The following NCKAP1 variants were observed in gnomAD, a reference collection of about 807,000 sequenced individuals.
NCKAP1 encodes NCK associated protein 1, also known as nck-associated protein 1.
Under a neutral mutation model 151.2 loss-of-function variants are expected in NCKAP1, and 21 were observed. The observed-to-expected ratio is 0.14, with a 90% CI of 0.10 to 0.20. The LOEUF is 0.20. Among genes scored for constraint, NCKAP1 ranks in the 10% least tolerant of loss-of-function variants. The pLI is 1.00. For missense variants in NCKAP1, 933 were observed against 1,352.1 expected (o/e 0.69, Z 4.86); for synonymous variants, 484 against 451.8 (o/e 1.07, Z -0.90).
At chr2:183,037,179 T>C (rs1195236145) in intron 1 of NCKAP1, among the ~76,000 whole-genome samples, 1 of 152,246 alleles carries the variant, frequency 6.6e-6, no homozygotes, top group Non-Finnish European at 1.5e-5. Context: ...CTATTAGCTA[T>C]AGTTGCTCAA....
chr2:183,026,843 T>C (rs1470427388), intron 1 of NCKAP1, among the ~76,000 whole-genome samples: 1 of 152,184 alleles, frequency 6.6e-6, no homozygotes, highest in African/African-American at 2.4e-5. Context: ...ATAAGTGCTC[T>C]AAAAATGCTA....
rs746569346 is a variant in NCKAP1 at position 182,991,107 on chromosome 2, C to G, written c.791-1921G>C. 3.9e-5 allele frequency among the ~76,000 whole-genome samples: 6 copies of G among 152,136 alleles called. No homozygotes were observed. The South Asian group carries it at 6.2e-4, about 16-fold the overall frequency. On this transcript the variant is annotated intron_variant, in intron 8 of 30. Transcript: ENST00000361354. The stretch of plus-strand genomic sequence containing the variant: ...TCACTTAGTGTCTTACACCTTTGTA[C>G]GTTAACACTTACAAAATACTTGCTA...
chr2:183,021,269 G>C (rs1259757900), intron 2 of NCKAP1, among the ~76,000 whole-genome samples: 1 of 152,122 alleles, frequency 6.6e-6, no homozygotes, highest in Non-Finnish European at 1.5e-5. Flanking sequence ...TGAATAAAAT[G>C]TGGTATATCC....
intron 2 of NCKAP1, among the ~76,000 whole-genome samples, chr2:183,015,246 TG>T (rs985459169): frequency 1.3e-5 from 2 of 152,200 alleles, no homozygotes; most frequent in African/African-American, 4.8e-5. Context: ...AGATGTGTTT[TG>T]GGATCATAAG....
chr2:182,970,203 T>C (rs1351815078), intron 15 of NCKAP1, among the ~76,000 whole-genome samples: 1 of 152,212 alleles, frequency 6.6e-6, no homozygotes, highest in Non-Finnish European at 1.5e-5. Flanking sequence ...ATACCAATTC[T>C]ACTCAAACTG....
At chr2:182,981,596 A>T (rs960500724) in intron 12 of NCKAP1, among the ~76,000 whole-genome samples, 1 of 152,096 alleles carries the variant, frequency 6.6e-6, no homozygotes, top group Non-Finnish European at 1.5e-5. Context: ...CTAAAAATCG[A>T]CAGCAGAAAA....
intron 2 of NCKAP1, among the ~76,000 whole-genome samples, chr2:183,015,802 CA>C (rs956776233): frequency 3.8e-4 from 45 of 117,208 alleles, no homozygotes; most frequent in Admixed American, 3.4e-4. Context: ...ATTACAGAAC[CA>C]AAAAAAAAAG....
At chr2:182,998,264 A>G (rs1698309476) in intron 6 of NCKAP1, among the ~76,000 whole-genome samples, 1 of 152,148 alleles carries the variant, frequency 6.6e-6, no homozygotes, top group Non-Finnish European at 1.5e-5. Context: ...AACTGGAACA[A>G]GACAAGGGTG....
chr2:183,009,674 G>T (rs77857597), intron 2 of NCKAP1, among the ~76,000 whole-genome samples: 7,513 of 152,116 alleles, frequency 0.049, 249 homozygotes, highest in African/African-American at 0.095. Flanking sequence ...AAAGTGTGCC[G>T]TTCAGTGACT....
At chr2:182,942,643 A>G (rs1486195286) in intron 23 of NCKAP1, among the ~76,000 whole-genome samples, 1 of 152,096 alleles carries the variant, frequency 6.6e-6, no homozygotes, top group Non-Finnish European at 1.5e-5. Flanking sequence ...TGGGGATTAT[A>G]TAATAGTAAT....
intron 8 of NCKAP1, among the ~76,000 whole-genome samples, chr2:182,993,382 G>C (rs1698205862): frequency 6.6e-6 from 1 of 152,100 alleles, no homozygotes; most frequent in Non-Finnish European, 1.5e-5. Context: ...TTCTCTAAAG[G>C]TTAATAAATC....
chr2:182,970,535 C>A (rs1265319980), intron 15 of NCKAP1, among the ~76,000 whole-genome samples: 2 of 152,000 alleles, frequency 1.3e-5, no homozygotes, highest in African/African-American at 4.8e-5. Flanking sequence ...AAACTCTTAA[C>A]AAACTAGGTA....
At chr2:182,929,361 GA>G (rs1359859682) in intron 27 of NCKAP1, among the ~76,000 whole-genome samples, 3 of 151,838 alleles carry the variant, frequency 2.0e-5, no homozygotes, top group African/African-American at 7.2e-5. Flanking sequence ...AATATAATTT[GA>G]AATTTACTAT....
intron 2 of NCKAP1, among the ~76,000 whole-genome samples, chr2:183,006,168 G>C (rs1559103402): frequency 6.6e-6 from 1 of 152,192 alleles, no homozygotes; most frequent in Admixed American, 6.5e-5. Flanking sequence ...AGTGTCAGAT[G>C]ATATGTTTTG....
At chr2:183,008,355 C>G (rs2368350) in intron 2 of NCKAP1, among the ~76,000 whole-genome samples, 150,353 of 152,354 alleles carry the variant, frequency 0.99, 74,218 homozygotes, top group East Asian at 1. Flanking sequence ...GTTTTTATAA[C>G]TCTAACATTA....
intron 24 of NCKAP1, among the ~76,000 whole-genome samples, chr2:182,935,813 T>A (rs986742038): frequency 6.6e-6 from 1 of 152,110 alleles, no homozygotes; most frequent in African/African-American, 2.4e-5. Flanking sequence ...AACTCAGCAG[T>A]GCTAAATTCT....
At chr2:183,029,009 C>T (rs545199178) in intron 1 of NCKAP1, among the ~76,000 whole-genome samples, 2 of 151,600 alleles carry the variant, frequency 1.3e-5, no homozygotes, top group East Asian at 3.9e-4. Context: ...CCCAGCTACT[C>T]GGGAGGCTGA....
chr2:182,984,589 G>A (rs1698012590), intron 10 of NCKAP1, among the ~76,000 whole-genome samples: 1 of 152,110 alleles, frequency 6.6e-6, no homozygotes, highest in South Asian at 2.1e-4. Context: ...CTAAGTTTCA[G>A]TTTTTCATCT....
Position 182,911,450 on chromosome 2 carries a change from T to G in NCKAP1, c.*14252A>C, listed in dbSNP as rs894216895. 13 of 152,214 alleles carry G rather than the reference T, an allele frequency of 8.5e-5. No individual in the cohort carries two copies. The highest frequency in any genetic ancestry group is 1.5e-4 in the Non-Finnish European group (10 of 68,036). The allele number at this position is 152,214 out of a possible 1,614,324, so 9.4% of individuals were successfully genotyped here. A position where few individuals can be genotyped will look rare whatever the true frequency, so the allele number is the denominator to read the frequency against. On this transcript the variant is annotated 3_prime_UTR_variant, in exon 31 of 31. Transcript: ENST00000361354. ...AGACCAAAAAATGGCCATCAGTTCA[T>G]GACTTTATTAACTTATATAGTTAAT...
Sources: allele counts gnomAD v4.1 joint callset (sites outside exome capture counted in the v4.1 genomes callset), GRCh38; gene constraint gnomAD v4.1.1; transcripts MANE v1.5; gene names NCBI Gene and HGNC (gene_info 2026-07-23, HGNC 2026-07-21).